SHOC2: variants seen among roughly 807,000 people sequenced by gnomAD.
SHOC2 encodes leucine-rich repeat protein SHOC-2.
In SHOC2, 4 loss-of-function variants were observed where a neutral mutation model predicts 50.2. That is an observed-to-expected ratio of 0.08 (90% CI 0.04 to 0.18). The LOEUF (loss-of-function observed/expected upper bound fraction) is 0.18, where lower values mean the gene tolerates loss of function less well. SHOC2 is among the 10% of genes least tolerant of loss of function. The pLI is 1.00. For missense variants in SHOC2, 388 were observed against 669.6 expected, an observed-to-expected ratio of 0.58 and a Z score of 4.64; for synonymous variants, 218 against 244.5, an observed-to-expected ratio of 0.89 and a Z score of 1.01.
chr10:110,967,851 A>C (rs1402439402), intron 2 of SHOC2, among the ~76,000 whole-genome samples: 1 of 152,064 alleles, frequency 6.6e-6, no homozygotes, highest in Non-Finnish European at 1.5e-5. Flanking sequence ...AGTATACCAC[A>C]TTTTATTTAT....
intron 2 of SHOC2, among the ~76,000 whole-genome samples, chr10:110,982,479 A>G (rs1848000427): frequency 6.6e-6 from 1 of 152,124 alleles, no homozygotes; most frequent in Non-Finnish European, 1.5e-5. Context: ...CCAACAGTGT[A>G]AAAGTGTTCT....
intron 5 of SHOC2, among the ~76,000 whole-genome samples, 195 bp from the exon 6 acceptor site, chr10:111,007,336 A>G (rs1848488575): frequency 6.6e-6 from 1 of 152,216 alleles, no homozygotes. Flanking sequence ...ACTCCCAAAT[A>G]AAAGCCTCAT....
rs773001761 is a variant in SHOC2 at position 111,000,438 on chromosome 10, C to CT, written c.867dup (p.Gly290TrpfsTer5). Reference sequence around the variant, plus strand: ...AGGAAACCTGTCCAGTTTAAGTCGTCTTGGTCTGAGATATAACAGACTGTC... The same window carrying CT: ...AGGAAACCTGTCCAGTTTAAGTCGTCTTTGGTCTGAGATATAACAGACTGTC... On this transcript the variant is annotated frameshift_variant, in exon 4 of 9. Transcript: ENST00000369452. LOFTEE classifies it high-confidence loss of function. 6.2e-7 allele frequency: 1 copy of CT among 1,613,744 alleles called. No individual in the cohort carries two copies. Among genetic ancestry groups the CT allele is most frequent in the Non-Finnish European group, 8.5e-7 (1 of 1,179,760 alleles).
intron 1 of SHOC2, among the ~76,000 whole-genome samples, chr10:110,936,033 C>T (rs1234685306): frequency 6.6e-6 from 1 of 150,744 alleles, no homozygotes; most frequent in Admixed American, 6.6e-5. Flanking sequence ...TAGGGTTTTG[C>T]ATATTTAATG....
intron 1 of SHOC2, chr10:110,936,919 A>C: frequency 7.2e-7 from 1 of 1,397,032 alleles, no homozygotes; most frequent in Non-Finnish European, 1.0e-6. Context: ...GGATGCAGTC[A>C]AACACCTTGA....
At chr10:110,979,184 A>G (rs935264868) in intron 2 of SHOC2, among the ~76,000 whole-genome samples, 3 of 152,228 alleles carry the variant, frequency 2.0e-5, no homozygotes, top group Admixed American at 6.5e-5. Flanking sequence ...CTTAGTTCCT[A>G]GCAGGTTGCT....
At chr10:111,006,136 A>G (rs541132939) in intron 5 of SHOC2, among the ~76,000 whole-genome samples, 56 of 152,356 alleles carry the variant, frequency 3.7e-4, no homozygotes, top group African/African-American at 1.3e-3. Flanking sequence ...ATGCATTTGC[A>G]TGTAAGTAAC....
intron 1 of SHOC2, among the ~76,000 whole-genome samples, chr10:110,921,907 CAT>C (rs1206626170): frequency 1.3e-5 from 2 of 151,730 alleles, no homozygotes; most frequent in African/African-American, 4.8e-5. Context: ...AAAATTTTCT[CAT>C]AAATTATTAT....
chr10:111,008,143 C>A (rs190149828), intron 6 of SHOC2, among the ~76,000 whole-genome samples: 76 of 145,548 alleles, frequency 5.2e-4, no homozygotes, highest in Non-Finnish European at 7.2e-4. Context: ...TTTTCTGTAT[C>A]TAGAATGCCC....
rs1314256285 is a variant in SHOC2 at position 111,003,679 on chromosome 10, TG to T, written c.973-926del. ...AGGATTTCTCAGATGTTAATGAGCATGCAGATCACCTGGGAATCTTGTTAAA... is the reference window on the plus strand; with the variant it reads ...AGGATTTCTCAGATGTTAATGAGCATCAGATCACCTGGGAATCTTGTTAAA... On this transcript the variant is annotated intron_variant, in intron 4 of 8. Coordinates refer to ENST00000369452, the MANE Select transcript of SHOC2 (RefSeq NM_007373.4). Among the ~76,000 whole-genome samples, 11 of 152,304 alleles carry T rather than the reference TG, an allele frequency of 7.2e-5. No individual in the cohort carries two copies. The East Asian group carries it at 1.9e-3, about 27-fold the overall frequency.
chr10:110,990,406 C>T (rs1440002822), intron 3 of SHOC2, among the ~76,000 whole-genome samples: 2 of 152,158 alleles, frequency 1.3e-5, no homozygotes, highest in African/African-American at 4.8e-5. Flanking sequence ...ATACACCAAT[C>T]AGCACCCTGT....
chr10:110,930,537 T>C (rs1846872538), intron 1 of SHOC2, among the ~76,000 whole-genome samples: 2 of 152,104 alleles, frequency 1.3e-5, no homozygotes, highest in Non-Finnish European at 2.9e-5. Flanking sequence ...TATTGAATAT[T>C]GTAGTCATCT....
intron 1 of SHOC2, among the ~76,000 whole-genome samples, chr10:110,934,063 G>T (rs1178471449): frequency 6.6e-6 from 1 of 152,198 alleles, no homozygotes; most frequent in Non-Finnish European, 1.5e-5. Context: ...TATATCATTT[G>T]CATACGTCAG....
At chr10:110,984,804 AT>A (rs544488514) in intron 2 of SHOC2, among the ~76,000 whole-genome samples, 29 of 152,314 alleles carry the variant, frequency 1.9e-4, no homozygotes, top group Admixed American at 1.7e-3. Flanking sequence ...AGCAGTTTTT[AT>A]TTGTAAATGT....
chr10:110,977,910 CTGTT>C (rs1293425857), intron 2 of SHOC2, among the ~76,000 whole-genome samples: 4 of 152,188 alleles, frequency 2.6e-5, no homozygotes, highest in Non-Finnish European at 4.4e-5. Context: ...CTTTGGTAGT[CTGTT>C]TGTACCTAAT....
intron 3 of SHOC2, 149 bp downstream of exon 3, chr10:110,985,914 A>G (rs1848067709): frequency 2.9e-6 from 2 of 680,478 alleles, no homozygotes; most frequent in South Asian, 1.9e-5. Flanking sequence ...TTTTAAAATC[A>G]TTTTTCATTT....
chr10:110,998,149 A>G (rs2134165258), intron 3 of SHOC2, among the ~76,000 whole-genome samples: 1 of 151,958 alleles, frequency 6.6e-6, no homozygotes, highest in Admixed American at 6.6e-5. Context: ...ATAGGCACAC[A>G]CCACCATGCC....
At chr10:110,923,419 C>T (rs998331204) in intron 1 of SHOC2, among the ~76,000 whole-genome samples, 3 of 151,898 alleles carry the variant, frequency 2.0e-5, no homozygotes, top group East Asian at 1.9e-4. Flanking sequence ...TATTTTCCCC[C>T]GGGTCTCAAC....
Position 110,964,447 on chromosome 10 carries a change from C to T in SHOC2, c.89C>T (p.Ala30Val). Reference sequence around the variant, plus strand: ...AAGGAAAGAGAAAAGGAGGCAAAAGCCTCTGGAGGTTTTGGGAAAGAGAGC... The same window carrying T: ...AAGGAAAGAGAAAAGGAGGCAAAAGTCTCTGGAGGTTTTGGGAAAGAGAGC... Reference protein sequence around the residue: ...SAKEREKEAKASGGFGKESKE... With the variant: ...SAKEREKEAKVSGGFGKESKE... The change falls in exon 2 of 9, where the codon GCC becomes GTC. Residue 30 changes from alanine (A) to valine (V), a missense_variant. Transcript: ENST00000369452. This position sits in a 1 kb window ranked among gnomAD's most constrained non-coding sequence, Gnocchi z 4.9. 1 of 1,613,880 alleles carries T rather than the reference C, an allele frequency of 6.2e-7. No homozygotes were observed. The highest frequency in any genetic ancestry group is 1.1e-5 in the South Asian group (1 of 91,054).
Sources: allele counts gnomAD v4.1 joint callset (sites outside exome capture counted in the v4.1 genomes callset), GRCh38; gene constraint gnomAD v4.1.1; non-coding constraint Gnocchi (gnomAD v3.1); transcripts MANE v1.5; gene names NCBI Gene and HGNC (gene_info 2026-07-23, HGNC 2026-07-21).